Variants in KANK2 observed in about 807,000 individuals in gnomAD.
KANK2 encodes the protein KN motif and ankyrin repeat domain-containing protein 2.
A neutral mutation model predicts 74.6 loss-of-function variants in KANK2; 41 were observed. The observed-to-expected ratio is 0.55, with a 90% CI of 0.43 to 0.71. The LOEUF (loss-of-function observed/expected upper bound fraction) is 0.71, where lower values mean the gene tolerates loss of function less well. Among genes scored for constraint, KANK2 ranks in the 30% least tolerant of loss-of-function variants. KANK2 has a pLI of 0.00. For missense variants in KANK2, 1,148 were observed against 1,196.4 expected (o/e 0.96, Z 0.60); for synonymous variants, 537 against 519.0 (o/e 1.03, Z -0.47).
intron 12 of KANK2, 60 bp downstream of exon 12, chr19:11,169,817 A>C: frequency 7.1e-7 from 1 of 1,404,954 alleles, no homozygotes; most frequent in South Asian, 1.2e-5. Context: ...AAAAACAACA[A>C]ATCTCTGTCC....
chr19:11,193,554 T>C lies in KANK2; in HGVS notation c.526A>G (p.Thr176Ala), dbSNP rs775657616. 1 of 1,602,978 alleles carries C rather than the reference T, an allele frequency of 6.2e-7. No homozygotes were observed. The highest frequency in any genetic ancestry group is 1.3e-5 in the African/African-American group (1 of 74,810). The change falls in exon 4 of 13, where the codon ACA becomes GCA. Residue 176 changes from threonine to alanine, a missense_variant. Transcript: ENST00000586659. The surrounding 1 kb of genome is among the most constrained non-coding windows in gnomAD (Gnocchi z 9.6). ...TGCCCGGCACTGGGAGGCACCGGTG[T>C]GGACAGTCCTGAACTCCGTGGTGTC... The part of the protein sequence containing the change: ...PPTPRSSGLS[T>A]PVPPSAGHLA...
At chr19:11,175,474 T>TG (rs2078310916) in intron 8 of KANK2, among the ~76,000 whole-genome samples, 1 of 107,082 alleles carries the variant, frequency 9.3e-6, no homozygotes, top group South Asian at 2.9e-4. Context: ...TTTGTAGAAA[T>TG]GGGGTCTCAC....
At position 11,174,500 on chromosome 19, in the gene KANK2, G is replaced by A. The variant is rs909179517; in HGVS notation, c.2041C>T (p.Pro681Ser). 3.1e-6 allele frequency: 5 copies of A among 1,612,758 alleles called. No homozygotes were observed. The highest frequency in any genetic ancestry group is 1.3e-5 in the African/African-American group (1 of 75,054). Residue 681 changes from proline to serine, a missense_variant, in exon 9 of 13, where the codon CCC becomes TCC. Pro to Ser is a moderately conservative substitution (Grantham distance 74). Transcript: ENST00000586659. ...LHYSVSHANF[P>S]VVQQLLDSGV... ...CTGTCGAGCAGCTGCTGCACCACGG[G>A]GAAGTTGGCATGAGACACGGAGTAG...
At chr19:11,191,419 C>A (rs952796572) in intron 4 of KANK2, among the ~76,000 whole-genome samples, 1 of 152,208 alleles carries the variant, frequency 6.6e-6, no homozygotes, top group Non-Finnish European at 1.5e-5. Flanking sequence ...TCTGCACAGC[C>A]GGCATCCCCT....
intron 4 of KANK2, among the ~76,000 whole-genome samples, chr19:11,189,814 C>A (rs1011781882): frequency 1.3e-5 from 2 of 152,120 alleles, no homozygotes; most frequent in Non-Finnish European, 2.9e-5. Flanking sequence ...GGCCTCTCAG[C>A]TGCTCTGGGA....
At chr19:11,174,078 T>C (rs1299198849) in intron 9 of KANK2, among the ~76,000 whole-genome samples, 1 of 148,690 alleles carries the variant, frequency 6.7e-6, no homozygotes, top group Non-Finnish European at 1.5e-5. Context: ...GGAGGCAGCA[T>C]CTCCTCCATC....
At position 11,184,369 on chromosome 19, in the gene KANK2, C is replaced by CT. The variant is rs566888328; in HGVS notation, c.1250-5650dup. Among the ~76,000 whole-genome samples the CT allele has an allele frequency of 1.8e-4, 26 of 144,924 alleles. 1 individual carries two copies. The East Asian group carries it at 3.0e-3, about 17-fold the overall frequency. ...CCAGCCTGGATGACAGAGCGAAACT[C>CT]TGTCTCAAAAACAAAAACAAAAACA... On this transcript the variant is annotated intron_variant, in intron 4 of 12. Transcript: ENST00000586659.
chr19:11,173,169 G>A, intron 9 of KANK2, 46 bp from the exon 10 acceptor site: 1 of 1,583,780 alleles, frequency 6.3e-7, no homozygotes, highest in Non-Finnish European at 8.6e-7. Flanking sequence ...CGCTGCTAGT[G>A]GACTGCCCCA....
Position 11,178,642 on chromosome 19 carries a change from C to A in KANK2, c.1328G>T (p.Ser443Ile), listed in dbSNP as rs370000419. 21 of 1,586,300 alleles carry A rather than the reference C, an allele frequency of 1.3e-5. No homozygotes were observed. In the Admixed American group the frequency reaches 1.5e-4, roughly 12 times the overall value. Reference sequence around the variant, plus strand: ...CTCCTGGGTGGGCACTCGGCCTGTGCTCTTCTCAGGCTGTGTAAGGGAGGC... The same window carrying A: ...CTCCTGGGTGGGCACTCGGCCTGTGATCTTCTCAGGCTGTGTAAGGGAGGC... ...EVASLTQPEKSTGRVPTQEPT... is the reference protein window; with the variant it reads ...EVASLTQPEKITGRVPTQEPT... The change falls in exon 5 of 13, where the codon AGC (serine) becomes ATC (isoleucine). Residue 443 changes from serine (S) to isoleucine (I), a missense_variant. By Grantham distance (142) the Ser-to-Ile change is moderately radical. Coordinates refer to ENST00000586659, the MANE Select transcript of KANK2 (RefSeq NM_001136191.3).
intron 4 of KANK2, among the ~76,000 whole-genome samples, chr19:11,180,499 A>G (rs1422040138): frequency 6.6e-6 from 1 of 152,126 alleles, no homozygotes; most frequent in East Asian, 1.9e-4. Flanking sequence ...GGCAAAGAGT[A>G]ACATAGACAG....
chr19:11,179,063 C>T (rs2078435149), intron 4 of KANK2, among the ~76,000 whole-genome samples: 1 of 152,176 alleles, frequency 6.6e-6, no homozygotes, highest in African/African-American at 2.4e-5. Context: ...TGCCTGTAAT[C>T]CCAGCACTTT....
In KANK2 at chr19:11,174,387, G is replaced by A. The variant is rs116064499; in HGVS notation, c.2068+86C>T. The A allele has an allele frequency of 3.6e-3, 3,787 of 1,064,790 alleles. 71 individuals carry two copies. In the African/African-American group the frequency reaches 0.05, roughly 14 times the overall value. The allele number at this position is 1,064,790 out of a possible 1,614,324, so 66.0% of individuals were successfully genotyped here. A position where few individuals can be genotyped will look rare whatever the true frequency, so the allele number is the denominator to read the frequency against. On this transcript the variant is annotated intron_variant, in intron 9 of 12. Transcript: ENST00000586659. ...TCCTCCATCATCTTCCCCATCAGAT[G>A]GGGAGGGCAGTGTCTTCCCTATCAG...
intron 4 of KANK2, among the ~76,000 whole-genome samples, chr19:11,184,452 C>A (rs1051966363): frequency 6.7e-6 from 1 of 150,094 alleles, no homozygotes; most frequent in Non-Finnish European, 1.5e-5. Context: ...GAGTTTGGCA[C>A]AGGCAAAAAT....
rs199966367 is a variant in KANK2, at chr19:11,166,557, G to A, written c.*1C>T. ...CTGGCTGGTCCCCGCCTCCCTCACG[G>A]CTACTCTTCTGCCGAGGATGATGTA... On this transcript the variant is annotated 3_prime_UTR_variant, in exon 13 of 13. Transcript: ENST00000586659. 6.8e-6 allele frequency: 11 copies of A among 1,613,900 alleles called. 1 individual carries two copies. Among genetic ancestry groups the A allele is most frequent in the Middle Eastern group, 1.7e-4 (1 of 6,060 alleles).
chr19:11,169,827 C>T, intron 12 of KANK2, 50 bp downstream of exon 12: 1 of 1,453,376 alleles, frequency 6.9e-7, no homozygotes, highest in Non-Finnish European at 9.7e-7. Flanking sequence ...AATCTCTGTC[C>T]TTTCAGAGAC....
rs768034179 is a variant in KANK2 at position 11,174,511 on chromosome 19, T to A, written c.2030A>T (p.His677Leu). 1.9e-6 allele frequency: 3 copies of A among 1,613,390 alleles called. No homozygotes were observed. Among genetic ancestry groups the A allele is most frequent in the Non-Finnish European group, 2.5e-6 (3 of 1,179,708 alleles). The part of the protein sequence containing the change: ...GNTALHYSVS[H>L]ANFPVVQQLL... The stretch of plus-strand genomic sequence containing the variant: ...CTGCTGCACCACGGGGAAGTTGGCA[T>A]GAGACACGGAGTAGTGCAGGGCTGT... The change falls in exon 9 of 13, where the codon CAT (histidine) becomes CTT (leucine). Residue 677 changes from histidine (H) to leucine (L), a missense_variant. By Grantham distance (99) the His-to-Leu change is moderately conservative (BLOSUM62 -3). Coordinates refer to ENST00000586659, the MANE Select transcript of KANK2 (RefSeq NM_001136191.3).
chr19:11,196,961 G>C (rs2147663030), intron 1 of KANK2: 1 of 152,156 alleles, frequency 6.6e-6, no homozygotes, highest in Non-Finnish European at 1.5e-5. Context: ...GCCCCGTGCA[G>C]AGAGGGGGCG....
intron 10 of KANK2, among the ~76,000 whole-genome samples, chr19:11,172,238 C>T (rs1402717832): frequency 6.6e-6 from 1 of 151,646 alleles, no homozygotes; most frequent in South Asian, 2.1e-4. Context: ...CAGCCTCCCA[C>T]AGTGCTGGGA....
At chr19:11,175,577 C>A (rs964273724) in intron 8 of KANK2, among the ~76,000 whole-genome samples, 1 of 152,046 alleles carries the variant, frequency 6.6e-6, no homozygotes, top group Non-Finnish European at 1.5e-5. Context: ...TGAGCCACTG[C>A]GCCCAGCCCT....
Sources: gnomAD v4.1 joint callset for allele counts (sites outside exome capture counted in the v4.1 genomes callset) on GRCh38, gnomAD v4.1.1 for gene constraint, Gnocchi (gnomAD v3.1) non-coding constraint, MANE v1.5 for transcripts, NCBI Gene and HGNC (gene_info 2026-07-23, HGNC 2026-07-21) for gene names.